The following AGBL1 variants were observed in gnomAD, a reference collection of about 807,000 sequenced individuals.
The protein encoded by AGBL1 is AGBL carboxypeptidase 1, also known as cytosolic carboxypeptidase 4.
AGBL1 carries 130 observed loss-of-function variants against 118.9 expected under a neutral mutation model. The ratio of observed to expected loss-of-function variants is 1.09; its 90% CI spans 0.95 to 1.26. The LOEUF is 1.26. Ranked by LOEUF, AGBL1 falls within the 50% of genes most tolerant of loss-of-function variation. The pLI, the probability that AGBL1 is intolerant of heterozygous loss-of-function variation, is 0.00. For missense variants in AGBL1, 1,584 were observed against 1,298.1 expected (o/e 1.22, Z -3.38); for synonymous variants, 555 against 478.9 (o/e 1.16, Z -2.08).
At chr15:86,906,104 C>A (rs779463298) in intron 22 of AGBL1, among the ~76,000 whole-genome samples, 2 of 152,158 alleles carry the variant, frequency 1.3e-5, no homozygotes, top group Non-Finnish European at 2.9e-5. Context: ...TTGTTTATGG[C>A]AAGGCAGGTG....
chr15:87,017,157 A>T (rs553612689), intron 24 of AGBL1, among the ~76,000 whole-genome samples: 41 of 152,212 alleles, frequency 2.7e-4, no homozygotes, highest in Non-Finnish European at 5.3e-4. Context: ...TCCTGGACAG[A>T]GGGGTGGCTG....
intron 21 of AGBL1, among the ~76,000 whole-genome samples, chr15:86,649,869 G>T (rs2142491605): frequency 6.6e-6 from 1 of 150,740 alleles, no homozygotes; most frequent in South Asian, 2.1e-4. Flanking sequence ...CTACCTAATT[G>T]TATTGTCCTT....
At chr15:86,406,928 T>C (rs1339681377) in intron 18 of AGBL1, among the ~76,000 whole-genome samples, 1 of 152,178 alleles carries the variant, frequency 6.6e-6, no homozygotes, top group Admixed American at 6.5e-5. Context: ...TAGCATTTTT[T>C]CTGGTTATTT....
intron 20 of AGBL1, among the ~76,000 whole-genome samples, chr15:86,547,343 G>C (rs138398513): frequency 8.7e-4 from 133 of 152,114 alleles, no homozygotes; most frequent in African/African-American, 2.9e-3. Flanking sequence ...TAAATATAGA[G>C]TCAGCATGTT....
At chr15:86,948,570 AC>A (rs760181333) in intron 23 of AGBL1, among the ~76,000 whole-genome samples, 1 of 152,240 alleles carries the variant, frequency 6.6e-6, no homozygotes, top group Non-Finnish European at 1.5e-5. Flanking sequence ...CACTTTGTAC[AC>A]TTAGAGGATT....
At chr15:86,095,432 A>G (rs1896300931) in intron 1 of AGBL1, among the ~76,000 whole-genome samples, 1 of 152,046 alleles carries the variant, frequency 6.6e-6, no homozygotes, top group Non-Finnish European at 1.5e-5. Context: ...GTCACCAGCC[A>G]TCTCATTAGC....
intron 1 of AGBL1, among the ~76,000 whole-genome samples, chr15:86,099,671 G>A (rs1214405419): frequency 6.6e-6 from 1 of 151,572 alleles, no homozygotes; most frequent in African/African-American, 2.4e-5. Flanking sequence ...TCCCACATGA[G>A]GCTAATTTTT....
chr15:86,670,236 G>A (rs976017922), intron 21 of AGBL1, among the ~76,000 whole-genome samples: 6 of 152,010 alleles, frequency 3.9e-5, no homozygotes, highest in South Asian at 2.1e-4. Flanking sequence ...TGAAGGTCTC[G>A]ATTAATTTAC....
chr15:86,810,614 T>A (rs148430109), intron 22 of AGBL1, among the ~76,000 whole-genome samples: 3 of 152,166 alleles, frequency 2.0e-5, no homozygotes, highest in African/African-American at 7.2e-5. Context: ...CAGTGTTTCT[T>A]TGATTAATTA....
intron 21 of AGBL1, among the ~76,000 whole-genome samples, chr15:86,575,502 A>C (rs2084077578): frequency 1.3e-5 from 2 of 152,188 alleles, no homozygotes; most frequent in South Asian, 4.1e-4. Flanking sequence ...CCTGTCTCAA[A>C]AAAATAAGTA....
intron 21 of AGBL1, among the ~76,000 whole-genome samples, chr15:86,655,663 C>T (rs776273316): frequency 2.0e-5 from 3 of 151,932 alleles, no homozygotes; most frequent in Non-Finnish European, 4.4e-5. Context: ...TAGAAATTGC[C>T]CTGGTGTGTT....
chr15:86,509,243 C>T (rs148831806), intron 18 of AGBL1, among the ~76,000 whole-genome samples: 1 of 152,096 alleles, frequency 6.6e-6, no homozygotes, highest in African/African-American at 2.4e-5. Flanking sequence ...AGGGGCGAGG[C>T]TTGATAAGTT....
At chr15:86,128,580 C>G (rs1043803368) in intron 1 of AGBL1, among the ~76,000 whole-genome samples, 3 of 152,246 alleles carry the variant, frequency 2.0e-5, no homozygotes, top group Non-Finnish European at 4.4e-5. Flanking sequence ...GGCGCCCCAC[C>G]TCGCATGGTG....
intron 1 of AGBL1, among the ~76,000 whole-genome samples, chr15:86,088,738 T>A (rs928490974): frequency 3.3e-5 from 5 of 152,246 alleles, no homozygotes; most frequent in African/African-American, 4.8e-5. Flanking sequence ...CTTCATTTTT[T>A]AAAAAATCTT....
chr15:86,308,311 G>A (rs1392343936), intron 17 of AGBL1, among the ~76,000 whole-genome samples: 3 of 152,042 alleles, frequency 2.0e-5, no homozygotes, highest in Admixed American at 2.0e-4. Flanking sequence ...CATATGGGTG[G>A]GGCCCTGATG....
intron 22 of AGBL1, among the ~76,000 whole-genome samples, chr15:86,826,419 C>A (rs976264776): frequency 6.6e-6 from 1 of 152,074 alleles, no homozygotes; most frequent in Non-Finnish European, 1.5e-5. Context: ...TGATTTATTA[C>A]ACGACATCTA....
At chr15:86,937,607 T>C (rs867451589) in intron 23 of AGBL1, among the ~76,000 whole-genome samples, 3 of 152,188 alleles carry the variant, frequency 2.0e-5, no homozygotes, top group African/African-American at 4.8e-5. Context: ...TGAGAACTTA[T>C]GCACACAAAG....
At chr15:86,537,956 A>T (rs2083447809) in intron 19 of AGBL1, among the ~76,000 whole-genome samples, 1 of 152,218 alleles carries the variant, frequency 6.6e-6, no homozygotes, top group Non-Finnish European at 1.5e-5. Context: ...GCCACATATT[A>T]GATTGTATGT....
chr15:86,182,659 A>ATTTTTT lies in AGBL1; in HGVS notation c.488+23633_488+23634insTTTTTT, dbSNP rs2077569991. Among the ~76,000 whole-genome samples, 5 of 152,212 alleles carry ATTTTTT rather than the reference A, an allele frequency of 3.3e-5. No homozygotes were observed. In the South Asian group the frequency reaches 1.0e-3, roughly 32 times the overall value. Reference sequence around the variant, plus strand: ...TGATTACCTCCTTTTTTTGAACTAAAGAATAGTTTTCTTTGCTATTTCAGC... The same window carrying ATTTTTT: ...TGATTACCTCCTTTTTTTGAACTAAATTTTTTGAATAGTTTTCTTTGCTATTTCAGC... On this transcript the variant is annotated intron_variant, in intron 5 of 22. Transcript: ENST00000614907.
Sources: allele counts gnomAD v4.1 joint callset (sites outside exome capture counted in the v4.1 genomes callset), GRCh38; gene constraint gnomAD v4.1.1; transcripts MANE v1.5; gene names NCBI Gene and HGNC (gene_info 2026-07-23, HGNC 2026-07-21).